The following TAFA5 variants were observed in gnomAD, a reference collection of about 807,000 sequenced individuals.
The protein encoded by TAFA5 is chemokine-like protein TAFA-5.
Under a neutral mutation model 15.3 loss-of-function variants are expected in TAFA5, and 6 were observed. The observed-to-expected ratio is 0.39, with a 90% CI of 0.21 to 0.77. The LOEUF is 0.77. Among genes scored for constraint, TAFA5 ranks in the 30% least tolerant of loss-of-function variants. The pLI, the probability that TAFA5 is intolerant of heterozygous loss-of-function variation, is 0.41. For missense variants in TAFA5, 161 were observed against 193.1 expected (o/e 0.83, Z 0.98); for synonymous variants, 103 against 80.7 (o/e 1.28, Z -1.48).
rs563267712 is a variant in TAFA5 at position 48,550,738 on chromosome 22, C to G, written c.112+61034C>G. On this transcript the variant is annotated intron_variant, in intron 1 of 3. Transcript: ENST00000402357. The surrounding 1 kb of genome is among the most constrained non-coding windows in gnomAD (Gnocchi z 4.1). ...GAGTCCGGACAAGGTACATCCTGAT[C>G]CAGGGCCCCCTACTCTGATCCACGG... 6.6e-6 allele frequency among the ~76,000 whole-genome samples: 1 copy of G among 152,192 alleles called. No individual in the cohort carries two copies. Among genetic ancestry groups the G allele is most frequent in the South Asian group, 2.1e-4 (1 of 4,804 alleles).
chr22:48,641,526 T>G (rs1330264828), intron 1 of TAFA5, among the ~76,000 whole-genome samples: 2 of 147,796 alleles, frequency 1.4e-5, no homozygotes, highest in Non-Finnish European at 3.0e-5. Context: ...TGGCTGCCCC[T>G]CCCCACTGCA....
At chr22:48,499,163 G>C (rs1246883526) in intron 1 of TAFA5, among the ~76,000 whole-genome samples, 17 of 152,178 alleles carry the variant, frequency 1.1e-4, no homozygotes, top group East Asian at 1.9e-4. Flanking sequence ...ATCAGCGCAG[G>C]GTTCACCAGT....
chr22:48,613,305 G>T (rs2147175399), intron 1 of TAFA5, among the ~76,000 whole-genome samples: 1 of 152,242 alleles, frequency 6.6e-6, no homozygotes, highest in East Asian at 1.9e-4. Context: ...GCCGTCCCTA[G>T]CACAGGCCCC....
At chr22:48,670,096 C>G (rs16999682) in intron 2 of TAFA5, among the ~76,000 whole-genome samples, 10,252 of 152,260 alleles carry the variant, frequency 0.067, 635 homozygotes, top group African/African-American at 0.16. Context: ...ATGTTCAGCC[C>G]TGGCCTCATG....
chr22:48,596,719 G>A (rs908993574), intron 1 of TAFA5, among the ~76,000 whole-genome samples: 6 of 128,710 alleles, frequency 4.7e-5, no homozygotes, highest in East Asian at 4.7e-4. Context: ...TTGGACCCAC[G>A]TATCGTGACG....
At chr22:48,573,708 C>G (rs1029532856) in intron 1 of TAFA5, among the ~76,000 whole-genome samples, 2 of 152,230 alleles carry the variant, frequency 1.3e-5, no homozygotes, top group Non-Finnish European at 2.9e-5. Context: ...AATTGGTGGG[C>G]CTGCCTCTAT....
intron 3 of TAFA5, among the ~76,000 whole-genome samples, chr22:48,748,464 G>C (rs954969362): frequency 6.6e-6 from 1 of 152,348 alleles, no homozygotes; most frequent in Admixed American, 6.5e-5. Context: ...GGCTGGCTGG[G>C]CCACAGGCAG....
At chr22:48,577,307 C>G (rs1923849186) in intron 1 of TAFA5, among the ~76,000 whole-genome samples, 3 of 152,152 alleles carry the variant, frequency 2.0e-5, no homozygotes, top group Admixed American at 2.0e-4. Context: ...GGCGGTCGGT[C>G]GGCTCCAGGC....
At chr22:48,533,286 T>C (rs1228819632) in intron 1 of TAFA5, among the ~76,000 whole-genome samples, 3 of 151,970 alleles carry the variant, frequency 2.0e-5, no homozygotes, top group African/African-American at 7.3e-5. Context: ...GGGGGAGGGG[T>C]GCAGCCGTCA....
chr22:48,736,400 TCCTAGAGTCCATC>T (rs1930025991), intron 3 of TAFA5, among the ~76,000 whole-genome samples: 5 of 32,074 alleles, frequency 1.6e-4, no homozygotes. Flanking sequence ...AGAATCGCAC[TCCTAGAGTCCATC>T]CCCCCAGGAG....
chr22:48,698,648 C>G (rs957345456), intron 2 of TAFA5, among the ~76,000 whole-genome samples: 2 of 151,696 alleles, frequency 1.3e-5, no homozygotes, highest in African/African-American at 2.4e-5. Flanking sequence ...AGGAGCATCC[C>G]AGGAGCTGAG....
At chr22:48,724,666 G>C (rs922844769) in intron 3 of TAFA5, among the ~76,000 whole-genome samples, 2 of 152,008 alleles carry the variant, frequency 1.3e-5, no homozygotes, top group Non-Finnish European at 2.9e-5. Flanking sequence ...CAAAGGAGTG[G>C]AAGCCCGTGC....
At chr22:48,497,285 G>T (rs1457066803) in intron 1 of TAFA5, among the ~76,000 whole-genome samples, 1 of 152,198 alleles carries the variant, frequency 6.6e-6, no homozygotes, top group Non-Finnish European at 1.5e-5. Context: ...CGGGGCCTGC[G>T]GTCCCACGGG....
intron 1 of TAFA5, among the ~76,000 whole-genome samples, chr22:48,597,998 G>A (rs1401709509): frequency 6.6e-6 from 1 of 152,236 alleles, no homozygotes; most frequent in African/African-American, 2.4e-5. Context: ...TCAGAGAACG[G>A]AACCAATGGG....
intron 1 of TAFA5, among the ~76,000 whole-genome samples, chr22:48,554,978 A>T (rs1922981884): frequency 6.6e-6 from 1 of 152,156 alleles, no homozygotes; most frequent in Non-Finnish European, 1.5e-5. Flanking sequence ...CCAGGGTGGC[A>T]ATGTAGCCCC....
chr22:48,545,174 T>G, intron 1 of TAFA5: 1 of 323,404 alleles, frequency 3.1e-6, no homozygotes, highest in Non-Finnish European at 6.1e-6. Context: ...CTCTCCCTCT[T>G]GCTCTGCCCT....
chr22:48,541,082 C>A lies in TAFA5; in HGVS notation c.112+51378C>A, dbSNP rs533595790. The stretch of plus-strand genomic sequence containing the variant: ...GGGGGAGTCAGGGCTGGGAGTGAAG[C>A]CCCAGGAAGTCCGCCACTGAACGGC... On this transcript the variant is annotated intron_variant, in intron 1 of 3. Coordinates refer to ENST00000402357, the MANE Select transcript of TAFA5 (RefSeq NM_001082967.3). 1.1e-3 allele frequency among the ~76,000 whole-genome samples: 171 copies of A among 152,146 alleles called. 1 individual carries two copies. The highest frequency in any genetic ancestry group is 4.0e-3 in the African/African-American group (168 of 41,514).
At chr22:48,561,249 G>A (rs763918297) in intron 1 of TAFA5, among the ~76,000 whole-genome samples, 5 of 152,126 alleles carry the variant, frequency 3.3e-5, no homozygotes, top group Non-Finnish European at 5.9e-5. Context: ...CCAGCCCAAG[G>A]AAAGTCCTTT....
intron 1 of TAFA5, among the ~76,000 whole-genome samples, chr22:48,614,717 G>A (rs1021639497): frequency 6.6e-6 from 1 of 152,212 alleles, no homozygotes; most frequent in Non-Finnish European, 1.5e-5. Flanking sequence ...CCCTGCTCCT[G>A]TCGCAAGCAA....
Sources: gnomAD v4.1 joint callset for allele counts (sites outside exome capture counted in the v4.1 genomes callset) on GRCh38, gnomAD v4.1.1 for gene constraint, Gnocchi (gnomAD v3.1) non-coding constraint, MANE v1.5 for transcripts, NCBI Gene and HGNC (gene_info 2026-07-23, HGNC 2026-07-21) for gene names.